PIAS2: variants seen among roughly 807,000 people sequenced by gnomAD.
PIAS2 encodes the protein E3 SUMO-protein ligase PIAS2.
Under a neutral mutation model 69.7 loss-of-function variants are expected in PIAS2, and 19 were observed. The observed-to-expected ratio is 0.27, with a 90% CI of 0.19 to 0.40. The LOEUF (loss-of-function observed/expected upper bound fraction) is 0.40. Among genes scored for constraint, PIAS2 ranks in the 10% least tolerant of loss-of-function variants. The probability of loss-of-function intolerance (pLI) is 1.00; values close to 1 mark genes in which losing one functional copy is unlikely to be tolerated. For missense variants in PIAS2, 624 were observed against 757.0 expected, an observed-to-expected ratio of 0.82 and a Z score of 2.06; for synonymous variants, 261 against 263.2, an observed-to-expected ratio of 0.99 and a Z score of 0.08.
chr18:46,882,128 T>A (rs192724049), intron 2 of PIAS2, among the ~76,000 whole-genome samples: 14 of 151,804 alleles, frequency 9.2e-5, no homozygotes, highest in African/African-American at 3.4e-4. Flanking sequence ...CATAGCCATA[T>A]CCAAATTAAG....
At chr18:46,815,418 T>C (rs1047008983) in intron 12 of PIAS2, 69 bp from the exon 13 acceptor site, 4 of 1,605,048 alleles carry the variant, frequency 2.5e-6, no homozygotes, top group Non-Finnish European at 3.4e-6. Flanking sequence ...CCCTAAATCA[T>C]CTTTATCACA....
At chr18:46,917,929 A>C (rs2058177730), upstream of PIAS2, 1 of 152,306 alleles carries the variant, frequency 6.6e-6, no homozygotes, top group African/African-American at 2.4e-5. Context: ...GGTGTTGGGT[A>C]AGCTATTGTT....
chr18:46,895,073 C>CG (rs1238179464), intron 1 of PIAS2, among the ~76,000 whole-genome samples: 14 of 139,704 alleles, frequency 1.0e-4, no homozygotes, highest in Non-Finnish European at 1.9e-4. Flanking sequence ...AACTCCATCT[C>CG]GGAAAAAAAA....
At chr18:46,815,974 A>G in intron 12 of PIAS2, 1 of 985,388 alleles carries the variant, frequency 1.0e-6, no homozygotes, top group Non-Finnish European at 1.2e-6. Flanking sequence ...TTTTAGAAAG[A>G]GGAATGTGTA....
intron 3 of PIAS2, among the ~76,000 whole-genome samples, chr18:46,857,457 G>C (rs150326279): frequency 2.0e-5 from 3 of 152,280 alleles, no homozygotes; most frequent in East Asian, 1.9e-4. Context: ...AATCTAACTA[G>C]AAAACAGGGT....
intron 3 of PIAS2, among the ~76,000 whole-genome samples, chr18:46,861,003 G>T (rs977018568): frequency 1.3e-5 from 2 of 151,502 alleles, no homozygotes; most frequent in Non-Finnish European, 2.9e-5. Context: ...TAAAAGGCCG[G>T]GTGTGGTGGC....
At chr18:46,904,726 G>C (rs2146212198) in intron 1 of PIAS2, among the ~76,000 whole-genome samples, 1 of 151,098 alleles carries the variant, frequency 6.6e-6, no homozygotes, top group East Asian at 1.9e-4. Context: ...CCTCCAGCCT[G>C]GGTGACACAG....
intron 12 of PIAS2, among the ~76,000 whole-genome samples, chr18:46,819,283 A>T (rs2041907821): frequency 3.9e-5 from 6 of 152,140 alleles, no homozygotes; most frequent in Admixed American, 3.9e-4. Flanking sequence ...GAATCTCTGA[A>T]TTTCCATCTT....
intron 1 of PIAS2, among the ~76,000 whole-genome samples, chr18:46,912,211 G>T (rs1219250150): frequency 1.3e-5 from 2 of 152,306 alleles, no homozygotes; most frequent in African/African-American, 4.8e-5. Flanking sequence ...GTATCCGTAG[G>T]GGGCTGGTAC....
chr18:46,814,602 T>C (rs573763879), intron 13 of PIAS2, among the ~76,000 whole-genome samples: 10 of 152,328 alleles, frequency 6.6e-5, no homozygotes, highest in African/African-American at 2.4e-4. Flanking sequence ...CTTAGCTGAC[T>C]GAGCAGCCCA....
chr18:46,832,704 A>G (rs913313901), intron 9 of PIAS2, among the ~76,000 whole-genome samples: 2 of 151,888 alleles, frequency 1.3e-5, no homozygotes, highest in Non-Finnish European at 2.9e-5. Flanking sequence ...CAGCCTGGCC[A>G]CTATGGCGAA....
intron 6 of PIAS2, among the ~76,000 whole-genome samples, chr18:46,845,925 A>G (rs1208487649): frequency 6.6e-6 from 1 of 152,148 alleles, no homozygotes; most frequent in East Asian, 1.9e-4. Context: ...GTAAAACAAA[A>G]AATTCCTGCT....
At chr18:46,838,654 TAAAC>T (rs1262093293) in intron 8 of PIAS2, among the ~76,000 whole-genome samples, 3 of 152,222 alleles carry the variant, frequency 2.0e-5, no homozygotes, top group Non-Finnish European at 2.9e-5. Context: ...AATTATTTCT[TAAAC>T]AGAATCTTAC....
chr18:46,847,304 G>A (rs948082764), intron 5 of PIAS2, among the ~76,000 whole-genome samples: 1 of 152,178 alleles, frequency 6.6e-6, no homozygotes, highest in African/African-American at 2.4e-5. Context: ...AATCTGGTGA[G>A]TGATAAAAAT....
chr18:46,903,105 C>CT (rs1313966282), intron 1 of PIAS2, among the ~76,000 whole-genome samples: 3 of 151,954 alleles, frequency 2.0e-5, no homozygotes, highest in South Asian at 2.1e-4. Flanking sequence ...AACTGTAAAA[C>CT]TTTTTTTTAA....
chr18:46,849,666 C>T (rs2046674309), intron 5 of PIAS2, among the ~76,000 whole-genome samples: 1 of 152,146 alleles, frequency 6.6e-6, no homozygotes, highest in African/African-American at 2.4e-5. Flanking sequence ...ACATTTTCCT[C>T]CAAATTTTCT....
At chr18:46,917,602 A>C (rs2058138803), upstream of PIAS2, 2 of 1,008,900 alleles carry the variant, frequency 2.0e-6, no homozygotes, top group Non-Finnish European at 1.2e-6. Context: ...CCGCGCCTTC[A>C]GTCCGCGCGG....
chr18:46,906,847 C>A (rs2056676353), intron 1 of PIAS2, among the ~76,000 whole-genome samples: 1 of 151,300 alleles, frequency 6.6e-6, no homozygotes, highest in Admixed American at 6.6e-5. Flanking sequence ...TCAAGAAGTT[C>A]CTTGAACAAT....
At chr18:46,893,827 A>C (rs955883499) in intron 1 of PIAS2, among the ~76,000 whole-genome samples, 1 of 152,004 alleles carries the variant, frequency 6.6e-6, no homozygotes, top group African/African-American at 2.4e-5. Context: ...AACACCCCCC[A>C]AAAAAATCCC....
Sources: gnomAD v4.1 joint callset for allele counts (sites outside exome capture counted in the v4.1 genomes callset) on GRCh38, gnomAD v4.1.1 for gene constraint, MANE v1.5 for transcripts, NCBI Gene and HGNC (gene_info 2026-07-23, HGNC 2026-07-21) for gene names.